The following DPF3 variants were observed in gnomAD, a reference collection of about 807,000 sequenced individuals.
DPF3 encodes the protein zinc finger protein DPF3.
DPF3 carries 18 observed loss-of-function variants against 56.8 expected under a neutral mutation model. The observed-to-expected ratio is 0.32, with a 90% CI of 0.22 to 0.47. The LOEUF (loss-of-function observed/expected upper bound fraction) is 0.47. Among genes scored for constraint, DPF3 ranks in the 20% least tolerant of loss-of-function variants. The pLI is 1.00. For synonymous variants in DPF3, 188 were observed against 180.2 expected (o/e 1.04, Z -0.35); for missense variants, 403 against 488.8 (o/e 0.82, Z 1.65).
At chr14:72,763,078 A>G (rs1027099120) in intron 2 of DPF3, among the ~76,000 whole-genome samples, 1 of 152,012 alleles carries the variant, frequency 6.6e-6, no homozygotes, top group African/African-American at 2.4e-5. Flanking sequence ...CTAAAAATTA[A>G]AAATCATTGA....
chr14:72,838,908 C>CTTTTT lies in DPF3; in HGVS notation c.32+55144_32+55148dup, dbSNP rs376458640. 1.5e-4 allele frequency among the ~76,000 whole-genome samples: 12 copies of CTTTTT among 78,584 alleles called. 1 individual carries two copies. Among genetic ancestry groups the CTTTTT allele is most frequent in the African/African-American group, 6.9e-4 (10 of 14,410 alleles). The allele number at this position is 78,584 out of a possible 152,430, so 51.6% of individuals were successfully genotyped here. On this transcript the variant is annotated intron_variant, in intron 1 of 10. Transcript: ENST00000556509. ...TATCATATATATTATCATATATATTCTTTTTTTTTTTTTTTTTTTTTTTTT... is the reference window on the plus strand; with the variant it reads ...TATCATATATATTATCATATATATTCTTTTTTTTTTTTTTTTTTTTTTTTTTTTTT...
At chr14:72,820,079 T>C (rs1883466198) in intron 1 of DPF3, among the ~76,000 whole-genome samples, 1 of 152,240 alleles carries the variant, frequency 6.6e-6, no homozygotes, top group Non-Finnish European at 1.5e-5. Context: ...TATTCTATTG[T>C]GGTTACATGG....
At chr14:72,760,106 T>C (rs750100008) in intron 2 of DPF3, among the ~76,000 whole-genome samples, 37 of 152,208 alleles carry the variant, frequency 2.4e-4, no homozygotes, top group Admixed American at 2.0e-4. Context: ...AATGGTCTAG[T>C]ACATGAATAA....
At chr14:72,643,231 T>C (rs1446928783) in intron 8 of DPF3, among the ~76,000 whole-genome samples, 2 of 152,226 alleles carry the variant, frequency 1.3e-5, no homozygotes, top group African/African-American at 4.8e-5. Context: ...CTTGCATGCA[T>C]AAGAAGTTTG....
chr14:72,832,023 G>C (rs950779771), intron 1 of DPF3, among the ~76,000 whole-genome samples: 2 of 152,090 alleles, frequency 1.3e-5, no homozygotes, highest in Admixed American at 6.5e-5. Flanking sequence ...TTTGAGACCA[G>C]CCTGGGCAAC....
chr14:72,784,830 G>T (rs1892142595), intron 1 of DPF3, among the ~76,000 whole-genome samples: 1 of 152,122 alleles, frequency 6.6e-6, no homozygotes, highest in South Asian at 2.1e-4. Flanking sequence ...GGTAGCAGGT[G>T]CCTGTAGTTC....
intron 1 of DPF3, among the ~76,000 whole-genome samples, chr14:72,884,094 G>C (rs1467529008): frequency 6.6e-6 from 1 of 152,134 alleles, no homozygotes; most frequent in Non-Finnish European, 1.5e-5. Flanking sequence ...GACCAGGCAA[G>C]GACCAAAGGC....
At chr14:72,874,948 T>A (rs1567266991) in intron 1 of DPF3, among the ~76,000 whole-genome samples, 1 of 152,100 alleles carries the variant, frequency 6.6e-6, no homozygotes, top group Non-Finnish European at 1.5e-5. Context: ...GAAAAAGAGT[T>A]TTAATTGGAC....
At chr14:72,755,183 G>T (rs1890742239) in intron 2 of DPF3, among the ~76,000 whole-genome samples, 1 of 152,182 alleles carries the variant, frequency 6.6e-6, no homozygotes, top group Admixed American at 6.5e-5. Context: ...ACACAGGTAA[G>T]TAAGAGTGAG....
At chr14:72,874,633 T>C (rs892319567) in intron 1 of DPF3, among the ~76,000 whole-genome samples, 5 of 152,252 alleles carry the variant, frequency 3.3e-5, no homozygotes, top group Non-Finnish European at 5.9e-5. Context: ...GAGTCACCTT[T>C]GCTCCAGTTC....
Position 72,767,812 on chromosome 14 carries a change from A to G in DPF3, c.193+3921T>C, listed in dbSNP as rs140145243. Among the ~76,000 whole-genome samples the G allele has an allele frequency of 4.8e-3, 727 of 151,416 alleles. 7 individuals are homozygous for G. Among genetic ancestry groups the G allele is most frequent in the African/African-American group, 0.016 (676 of 41,362 alleles). Reference sequence around the variant, plus strand: ...AACCCACAGGTTGAAGAAGCTGAGTAAACTCAAACAGAATAAACCCAAAAA... The same window carrying G: ...AACCCACAGGTTGAAGAAGCTGAGTGAACTCAAACAGAATAAACCCAAAAA... On this transcript the variant is annotated intron_variant, in intron 2 of 10. Coordinates refer to ENST00000556509, the MANE Select transcript of DPF3 (RefSeq NM_001280542.3).
intron 2 of DPF3, among the ~76,000 whole-genome samples, chr14:72,755,849 C>G (rs1019608486): frequency 6.6e-6 from 1 of 152,190 alleles, no homozygotes; most frequent in Non-Finnish European, 1.5e-5. Context: ...CCCTCCTCAA[C>G]AGGCTGACAG....
At chr14:72,855,020 G>A (rs998352055) in intron 1 of DPF3, among the ~76,000 whole-genome samples, 3 of 152,156 alleles carry the variant, frequency 2.0e-5, no homozygotes, top group Non-Finnish European at 4.4e-5. Flanking sequence ...GCAGTCCCCG[G>A]ATGATCAGAG....
intron 2 of DPF3, among the ~76,000 whole-genome samples, chr14:72,766,610 C>T (rs1387757657): frequency 4.6e-5 from 7 of 152,146 alleles, no homozygotes; most frequent in Admixed American, 2.6e-4. Context: ...CACCAACACA[C>T]CTGGATAATT....
chr14:72,874,886 C>T lies in DPF3; in HGVS notation c.32+19171G>A, dbSNP rs1349447403. Among the ~76,000 whole-genome samples, 11 of 152,296 alleles carry T rather than the reference C, an allele frequency of 7.2e-5. No homozygotes were observed. In the East Asian group the frequency reaches 1.7e-3, roughly 24 times the overall value. ...TGCCCCACTCTATTGGTACCAATTACTGTATTAGTCCATTTTCACACAGCT... is the reference window on the plus strand; with the variant it reads ...TGCCCCACTCTATTGGTACCAATTATTGTATTAGTCCATTTTCACACAGCT... On this transcript the variant is annotated intron_variant, in intron 1 of 10. Coordinates refer to ENST00000556509, the MANE Select transcript of DPF3 (RefSeq NM_001280542.3).
intron 6 of DPF3, 70 bp from the exon 7 acceptor site, chr14:72,693,283 C>T (rs1887775051): frequency 6.5e-7 from 1 of 1,529,782 alleles, no homozygotes; most frequent in Non-Finnish European, 8.9e-7. Context: ...CGCTATCATT[C>T]TCCCAGACAG....
At chr14:72,805,619 G>A (rs939568688) in intron 1 of DPF3, among the ~76,000 whole-genome samples, 1 of 152,146 alleles carries the variant, frequency 6.6e-6, no homozygotes, top group Non-Finnish European at 1.5e-5. Flanking sequence ...GCCGAGGTGG[G>A]CAGATCACTT....
rs74062308 is a variant in DPF3, at chr14:72,609,321, G to A, written c.*9976C>T. On this transcript the variant is annotated 3_prime_UTR_variant, in exon 11 of 11. Transcript: ENST00000556509. ...GAGAAAAGGCAGCAAGAGAGGTGGG[G>A]TGGTCCTGGCACGTGGGCCACCAGT... Among the ~76,000 whole-genome samples the A allele has an allele frequency of 0.024, 3,645 of 152,278 alleles. 149 individuals are homozygous for A. Among genetic ancestry groups the A allele is most frequent in the African/African-American group, 0.083 (3,440 of 41,526 alleles).
At position 72,617,358 on chromosome 14, in the gene DPF3, T is replaced by C. The variant is rs1271860058; in HGVS notation, c.*1939A>G. Among the ~76,000 whole-genome samples, 1 of 151,822 alleles carries C rather than the reference T, an allele frequency of 6.6e-6. No individual in the cohort carries two copies. Among genetic ancestry groups the C allele is most frequent in the Non-Finnish European group, 1.5e-5 (1 of 67,948 alleles). On this transcript the variant is annotated 3_prime_UTR_variant, in exon 11 of 11. Coordinates refer to ENST00000556509, the MANE Select transcript of DPF3 (RefSeq NM_001280542.3). ...GCCTTTGGAGACAGCCTGCTTTGGG[T>C]TTTGTGGGAAGAGAGAGAGCTGGAG...
Sources: allele counts gnomAD v4.1 joint callset (sites outside exome capture counted in the v4.1 genomes callset), GRCh38; gene constraint gnomAD v4.1.1; transcripts MANE v1.5; gene names NCBI Gene and HGNC (gene_info 2026-07-23, HGNC 2026-07-21).